The following FGF13 variants were observed in gnomAD, a reference collection of about 807,000 sequenced individuals.
The protein encoded by FGF13 is fibroblast growth factor homologous factor 2.
FGF13 carries 2 observed loss-of-function variants against 19.5 expected under a neutral mutation model. The observed-to-expected ratio is 0.10, with a 90% CI of 0.04 to 0.32. FGF13 has a LOEUF of 0.32. Ranked by LOEUF, FGF13 falls within the 10% of genes least tolerant of loss-of-function variation. The pLI, the probability that FGF13 is intolerant of heterozygous loss-of-function variation, is 1.00. For missense variants in FGF13, 113 were observed against 192.7 expected, an observed-to-expected ratio of 0.59 and a Z score of 2.45; for synonymous variants, 72 against 76.9, an observed-to-expected ratio of 0.94 and a Z score of 0.33.
chrX:138,648,855 G>A, intron 3 of FGF13, among the ~76,000 whole-genome samples: 1 of 111,666 alleles, frequency 9.0e-6, no homozygotes, highest in Admixed American at 9.6e-5. Flanking sequence ...AGCTTTGACA[G>A]GAATGCAAAT....
intron 1 of FGF13, among the ~76,000 whole-genome samples, chrX:139,029,336 T>C (rs1423938588): frequency 9.0e-6 from 1 of 111,680 alleles, no homozygotes; most frequent in Non-Finnish European, 1.9e-5. Context: ...ACACTTGGAA[T>C]TGATGGCTGC....
Position 139,003,236 on chromosome X carries a change from G to C in FGF13, c.-112-138586C>G, listed in dbSNP as rs186475528. Among the ~76,000 whole-genome samples the C allele has an allele frequency of 9.6e-3, 1,049 of 109,685 alleles. 12 individuals are homozygous for C. The highest frequency in any genetic ancestry group is 0.033 in the African/African-American group (991 of 30,004). ...CAGGAGTGAAGCTGCAGACCTTCGCGGTGAGTGTTACAGCTCTTAAGGCAG... is the reference window on the plus strand; with the variant it reads ...CAGGAGTGAAGCTGCAGACCTTCGCCGTGAGTGTTACAGCTCTTAAGGCAG... On this transcript the variant is annotated intron_variant, in intron 1 of 2. Transcript: ENST00000421460.
At chrX:139,166,416 G>A (rs756175906) in intron 1 of FGF13, among the ~76,000 whole-genome samples, 1 of 111,921 alleles carries the variant, frequency 8.9e-6, no homozygotes, top group Non-Finnish European at 1.9e-5. Flanking sequence ...ACTGAGCTGT[G>A]AGTCAATTAA....
chrX:138,967,126 C>T (rs2091898298), intron 1 of FGF13, among the ~76,000 whole-genome samples: 1 of 107,952 alleles, frequency 9.3e-6, no homozygotes, highest in East Asian at 2.9e-4. Context: ...AATACAACCC[C>T]CCAAAATTGC....
At chrX:138,918,529 T>G (rs1011434348) in intron 1 of FGF13, among the ~76,000 whole-genome samples, 2 of 111,645 alleles carry the variant, frequency 1.8e-5, no homozygotes, top group Non-Finnish European at 3.8e-5. Flanking sequence ...GGTCTGCTTA[T>G]TTTGAATGCA....
intron 1 of FGF13, among the ~76,000 whole-genome samples, chrX:139,174,789 C>G (rs779461648): frequency 4.9e-3 from 550 of 111,818 alleles, no homozygotes; most frequent in African/African-American, 0.016. Context: ...TGCTGTTTTG[C>G]TTACTGTAGC....
chrX:138,974,890 C>A (rs1452326174), intron 1 of FGF13, among the ~76,000 whole-genome samples: 1 of 112,341 alleles, frequency 8.9e-6, no homozygotes, highest in East Asian at 2.8e-4. Context: ...ATATCTAGTG[C>A]AATCAAGTGC....
At chrX:138,683,592 A>G (rs1401682782) in intron 3 of FGF13, among the ~76,000 whole-genome samples, 1 of 111,750 alleles carries the variant, frequency 8.9e-6, no homozygotes, top group African/African-American at 3.3e-5. Flanking sequence ...ATGATTTAAC[A>G]ACTAATTGCA....
intron 1 of FGF13, among the ~76,000 whole-genome samples, chrX:139,073,873 G>T (rs1348393137): frequency 2.7e-5 from 3 of 112,591 alleles, no homozygotes; most frequent in African/African-American, 9.7e-5. Context: ...TTAGTGTGAT[G>T]AGCTGGCAAG....
intron 1 of FGF13, among the ~76,000 whole-genome samples, chrX:138,866,220 G>C (rs1453842589): frequency 1.8e-5 from 2 of 112,867 alleles, no homozygotes; most frequent in African/African-American, 3.2e-5. Context: ...CCCACCTCCA[G>C]AGATTCTGGT....
intron 1 of FGF13, among the ~76,000 whole-genome samples, chrX:138,951,150 G>C (rs2091809068): frequency 9.0e-6 from 1 of 111,671 alleles, no homozygotes; most frequent in Admixed American, 9.6e-5. Flanking sequence ...ACTGGAGTCA[G>C]AAATTGAACA....
chrX:138,915,751 G>T (rs1281770285), intron 1 of FGF13, among the ~76,000 whole-genome samples: 1 of 111,832 alleles, frequency 8.9e-6, no homozygotes, highest in Non-Finnish European at 1.9e-5. Context: ...CATTTCTTGA[G>T]ATATGAACTT....
chrX:139,180,198 C>T (rs536636857), intron 1 of FGF13, among the ~76,000 whole-genome samples: 2 of 112,101 alleles, frequency 1.8e-5, no homozygotes, highest in South Asian at 7.5e-4. Context: ...GCCTCCCACA[C>T]GCACAAAATA....
intron 2 of FGF13, among the ~76,000 whole-genome samples, chrX:138,705,441 A>G (rs768272537): frequency 2.3e-4 from 26 of 112,193 alleles, no homozygotes; most frequent in East Asian, 5.6e-4. Flanking sequence ...CATCAGCAGT[A>G]CATTCCTGTG....
upstream of FGF13, among the ~76,000 whole-genome samples, chrX:138,742,225 A>G (rs187357100): frequency 1.8e-5 from 2 of 112,241 alleles, no homozygotes; most frequent in Non-Finnish European, 3.8e-5. Flanking sequence ...CAAGAACCAC[A>G]TGTGATCTGA....
intron 1 of FGF13, among the ~76,000 whole-genome samples, chrX:139,094,116 T>A (rs1289036197): frequency 5.4e-5 from 6 of 111,629 alleles, no homozygotes; most frequent in African/African-American, 2.0e-4. Flanking sequence ...CCGTCTCTAG[T>A]GCCTTTTTGT....
rs181260695 is a variant in FGF13 at position 138,775,460 on chromosome X, A to T, written c.218-66532T>A. Among the ~76,000 whole-genome samples, 1,080 of 111,897 alleles carry T rather than the reference A, an allele frequency of 9.7e-3. 13 individuals are homozygous for T. The highest frequency in any genetic ancestry group is 0.033 in the African/African-American group (1,017 of 30,780). ...ATAATAATGACTTGGGGTGTCTACA[A>T]CACCATTTTTAAAGGTCTCCAAATC... On this transcript the variant is annotated intron_variant, in intron 3 of 6. Transcript: ENST00000436198.
At chrX:138,679,977 A>G (rs771455166) in intron 3 of FGF13, among the ~76,000 whole-genome samples, 1 of 112,590 alleles carries the variant, frequency 8.9e-6, no homozygotes, top group East Asian at 2.8e-4. Context: ...AGTTTTTGGA[A>G]TATTCTACAT....
chrX:138,847,126 G>T (rs945324108), intron 3 of FGF13, among the ~76,000 whole-genome samples: 5 of 111,738 alleles, frequency 4.5e-5, no homozygotes, highest in African/African-American at 1.6e-4. Context: ...GCAAGAGGGG[G>T]GAAACTGAGC....
Sources: allele counts gnomAD v4.1 joint callset (sites outside exome capture counted in the v4.1 genomes callset), GRCh38; gene constraint gnomAD v4.1.1; transcripts MANE v1.5; gene names NCBI Gene and HGNC (gene_info 2026-07-23, HGNC 2026-07-21).